The following DAB2 variants were observed in gnomAD, a reference collection of about 807,000 sequenced individuals.
The protein encoded by DAB2 is disabled homolog 2.
Under a neutral mutation model 71.6 loss-of-function variants are expected in DAB2, and 28 were observed. The ratio of observed to expected loss-of-function variants is 0.39; its 90% CI spans 0.29 to 0.54. The LOEUF is 0.54. DAB2 is among the 20% of genes least tolerant of loss of function. The pLI is 0.68. For missense variants in DAB2, 867 were observed against 928.8 expected, an observed-to-expected ratio of 0.93 and a Z score of 0.86; for synonymous variants, 345 against 339.7, an observed-to-expected ratio of 1.02 and a Z score of -0.17.
chr5:39,397,560 T>C (rs3844507), intron 1 of DAB2, among the ~76,000 whole-genome samples: 1 of 151,958 alleles, frequency 6.6e-6, no homozygotes, highest in African/African-American at 2.4e-5. Flanking sequence ...CAAGCCTGAT[T>C]TTGGAAGCTA....
At chr5:39,385,979 G>A (rs1755091238) in intron 9 of DAB2, among the ~76,000 whole-genome samples, 3 of 152,058 alleles carry the variant, frequency 2.0e-5, no homozygotes, top group Admixed American at 6.5e-5. Flanking sequence ...GTGCCCACCC[G>A]TGTTATCTTA....
chr5:39,403,716 ATTTT>A (rs60449035), intron 1 of DAB2, among the ~76,000 whole-genome samples: 2 of 135,298 alleles, frequency 1.5e-5, no homozygotes, highest in Admixed American at 7.4e-5. Context: ...TTTTTTTGGA[ATTTT>A]TTTTTTTTTT....
chr5:39,378,377 G>A (rs943327373), intron 11 of DAB2, among the ~76,000 whole-genome samples: 31 of 152,312 alleles, frequency 2.0e-4, no homozygotes, highest in Non-Finnish European at 8.8e-5. Context: ...GTGATGCTTC[G>A]CTCTTGAAAT....
intron 1 of DAB2, among the ~76,000 whole-genome samples, chr5:39,401,307 T>C (rs937995690): frequency 1.3e-5 from 2 of 152,234 alleles, no homozygotes; most frequent in African/African-American, 4.8e-5. Context: ...CCACAAGTTA[T>C]GCATTTACAG....
At chr5:39,409,818 T>C (rs1755681725) in intron 1 of DAB2, among the ~76,000 whole-genome samples, 2 of 152,184 alleles carry the variant, frequency 1.3e-5, no homozygotes, top group Non-Finnish European at 2.9e-5. Flanking sequence ...TCAATTTCTA[T>C]ACCACTTTTC....
At position 39,372,856 on chromosome 5, in the gene DAB2, A is replaced by G. The variant is rs1754733084; in HGVS notation, c.*575T>C. ...AAAGAAGAGAAGCTATCTCTTTAAA[A>G]AGGTCCTTAAGTGGTTAGATTCCAA... On this transcript the variant is annotated 3_prime_UTR_variant, in exon 15 of 15. Coordinates refer to ENST00000320816, the MANE Select transcript of DAB2 (RefSeq NM_001343.4). The G allele has an allele frequency of 6.6e-6, 1 of 152,152 alleles. No individual in the cohort carries two copies. The highest frequency in any genetic ancestry group is 6.6e-5 in the Admixed American group (1 of 15,266). 9.4% of individuals were successfully genotyped at this position (152,152 alleles called of 1,614,324 possible).
In DAB2 at chr5:39,376,015, A is replaced by G. The variant is rs1463797854; in HGVS notation, c.2229T>C (p.Phe743=). The G allele has an allele frequency of 4.3e-6, 7 of 1,613,872 alleles. No homozygotes were observed. Among genetic ancestry groups the G allele is most frequent in the Non-Finnish European group, 5.1e-6 (6 of 1,179,864 alleles). The part of the protein sequence containing the change: ...AFENPFFKDS[F]GSSQASVASS... ...TACTTACAGAGGCTTGTGATGAACC[A>G]AAAGAATCTTTAAAGAAAGGGTTCT... The change falls in exon 13 of 15, where the codon TTT becomes TTC. Residue 743 remains phenylalanine, a synonymous_variant. Coordinates refer to ENST00000320816, the MANE Select transcript of DAB2 (RefSeq NM_001343.4).
rs978931348 is a variant in DAB2 at position 39,424,834 on chromosome 5, T to G, written c.-132A>C. 1 of 152,392 alleles carries G rather than the reference T, an allele frequency of 6.6e-6. No homozygotes were observed. Among genetic ancestry groups the G allele is most frequent in the Non-Finnish European group, 1.5e-5 (1 of 67,982 alleles). The allele number at this position is 152,392 out of a possible 1,614,324, so 9.4% of individuals were successfully genotyped here. On this transcript the variant is annotated 5_prime_UTR_variant, in exon 1 of 15. The change abolishes an upstream ATG in the 5' untranslated region. Coordinates refer to ENST00000320816, the MANE Select transcript of DAB2 (RefSeq NM_001343.4). ...AGCTATTGCCTCCGTGAAGCGAGCA[T>G]GACTTCCCCGCGCCCGGAGCCTCCA...
intron 1 of DAB2, among the ~76,000 whole-genome samples, chr5:39,405,681 G>A (rs1421154409): frequency 6.6e-6 from 1 of 152,180 alleles, no homozygotes; most frequent in Non-Finnish European, 1.5e-5. Flanking sequence ...GTATTTGGAG[G>A]TTGCTAGGCA....
At chr5:39,400,743 T>C (rs2112078625) in intron 1 of DAB2, among the ~76,000 whole-genome samples, 2 of 152,252 alleles carry the variant, frequency 1.3e-5, no homozygotes, top group South Asian at 4.2e-4. Context: ...TAACACACCA[T>C]TAATTTTTAG....
intron 9 of DAB2, among the ~76,000 whole-genome samples, chr5:39,385,991 G>A (rs1755091380): frequency 6.6e-6 from 1 of 152,126 alleles, no homozygotes; most frequent in African/African-American, 2.4e-5. Flanking sequence ...GTTATCTTAT[G>A]GCATGTACAC....
intron 1 of DAB2, among the ~76,000 whole-genome samples, chr5:39,420,419 C>T (rs2112116279): frequency 1.3e-5 from 2 of 152,202 alleles, no homozygotes; most frequent in Admixed American, 1.3e-4. Flanking sequence ...ATTGTTACTT[C>T]CTATTTACCT....
At chr5:39,401,730 G>GTTAT (rs55909785) in intron 1 of DAB2, among the ~76,000 whole-genome samples, 21,732 of 141,092 alleles carry the variant, frequency 0.15, 2,205 homozygotes, top group Non-Finnish European at 0.21. Context: ...CTGAGACTGG[G>GTTAT]TTATTTATTT....
At position 39,401,730 on chromosome 5, in the gene DAB2, GTTAT is replaced by G. The variant is rs55909785; in HGVS notation, c.-101-7313_-101-7310del. Among the ~76,000 whole-genome samples, 460 of 141,276 alleles carry G rather than the reference GTTAT, an allele frequency of 3.3e-3. 4 individuals carry two copies. Among genetic ancestry groups the G allele is most frequent in the African/African-American group, 5.0e-3 (186 of 37,516 alleles). The allele number at this position is 141,276 out of a possible 152,430, so 92.7% of individuals were successfully genotyped here. On this transcript the variant is annotated intron_variant, in intron 1 of 14. Transcript: ENST00000320816. ...CTGTTAAAGACATACCTGAGACTGGGTTATTTATTTATTTATTTATTTATTTATT... is the reference window on the plus strand; with the variant it reads ...CTGTTAAAGACATACCTGAGACTGGGTTATTTATTTATTTATTTATTTATT...
chr5:39,393,450 T>C, intron 2 of DAB2, 57 bp from the exon 3 acceptor site: 1 of 1,549,912 alleles, frequency 6.5e-7, no homozygotes, highest in Non-Finnish European at 8.8e-7. Flanking sequence ...TGACCAAATA[T>C]GCTCTAGACT....
At chr5:39,391,576 T>TCCTCACAGAGA (rs1388369402) in intron 4 of DAB2, among the ~76,000 whole-genome samples, 16 of 152,162 alleles carry the variant, frequency 1.1e-4, no homozygotes, top group African/African-American at 3.4e-4. Context: ...ACTGGAGGTC[T>TCCTCACAGAGA]CCTCACAGTA....
intron 1 of DAB2, among the ~76,000 whole-genome samples, chr5:39,415,348 T>A (rs894424191): frequency 5.3e-5 from 8 of 152,054 alleles, no homozygotes; most frequent in African/African-American, 1.9e-4. Context: ...TCCTTCAGAG[T>A]TATCATAAGA....
At chr5:39,388,986 G>A in intron 7 of DAB2, 111 bp downstream of exon 7, 1 of 1,320,362 alleles carries the variant, frequency 7.6e-7, no homozygotes, top group Non-Finnish European at 1.1e-6. Context: ...GATCAGAGAA[G>A]TCATAAACAC....
At chr5:39,402,911 C>T (rs1246216864) in intron 1 of DAB2, among the ~76,000 whole-genome samples, 2 of 152,178 alleles carry the variant, frequency 1.3e-5, no homozygotes, top group African/African-American at 4.8e-5. Context: ...TTCATGCCTA[C>T]GTCATTATCA....
Sources: gnomAD v4.1 joint callset for allele counts (sites outside exome capture counted in the v4.1 genomes callset) on GRCh38, gnomAD v4.1.1 for gene constraint, MANE v1.5 for transcripts, NCBI Gene and HGNC (gene_info 2026-07-23, HGNC 2026-07-21) for gene names.